The following CCDC180 variants were observed in gnomAD, a reference collection of about 807,000 sequenced individuals.
CCDC180 encodes coiled-coil domain containing 180.
Under a neutral mutation model 209.2 loss-of-function variants are expected in CCDC180, and 154 were observed. The observed-to-expected ratio is 0.74, with a 90% CI of 0.65 to 0.84. The LOEUF is 0.84. CCDC180 is among the 40% of genes least tolerant of loss of function. CCDC180 has a pLI of 0.00. For missense variants in CCDC180, 1,874 were observed against 1,997.3 expected (o/e 0.94, Z 1.18); for synonymous variants, 778 against 749.1 (o/e 1.04, Z -0.63).
chr9:97,370,460 C>T (rs955564354), intron 32 of CCDC180, among the ~76,000 whole-genome samples, 181 bp from the exon 33 acceptor site: 5 of 152,014 alleles, frequency 3.3e-5, no homozygotes, highest in African/African-American at 9.7e-5. Context: ...TCCAAACCCC[C>T]GAGTCAGCTC....
Position 97,307,809 on chromosome 9 carries a change from T to A in CCDC180, c.-82+3T>A. ...CTCGAGTTCAGAGCTCATCTGAGGTTAGTTTCATCGTTTCGTTGAAAGTTA... is the reference window on the plus strand; with the variant it reads ...CTCGAGTTCAGAGCTCATCTGAGGTAAGTTTCATCGTTTCGTTGAAAGTTA... On this transcript the variant is annotated splice_donor_region_variant and intron_variant, in intron 1 of 36. Transcript: ENST00000529487. The A allele has an allele frequency of 1.2e-6, 2 of 1,614,166 alleles. No individual in the cohort carries two copies. Among genetic ancestry groups the A allele is most frequent in the East Asian group, 4.5e-5 (2 of 44,874 alleles).
chr9:97,330,402 G>A lies in CCDC180; in HGVS notation c.1909G>A (p.Glu637Lys), dbSNP rs1481593439. The A allele has an allele frequency of 6.2e-7, 1 of 1,614,050 alleles. No homozygotes were observed. The highest frequency in any genetic ancestry group is 8.5e-7 in the Non-Finnish European group (1 of 1,180,040). ...QGSKEDMTRS[E>K]ESISSGTSTA... ...GTCTAAAGAGGACATGACCAGAAGT[G>A]AGGAAAGCATAAGTAGTGGGACAAG... Residue 637 changes from glutamate (E) to lysine (K), a missense_variant, in exon 18 of 37, where the codon GAG becomes AAG. Glu to Lys is a moderately conservative substitution (Grantham distance 56, BLOSUM62 1). Coordinates refer to ENST00000529487, the MANE Select transcript of CCDC180 (RefSeq NM_020893.6).
At chr9:97,326,491 A>T (rs1432457177) in intron 14 of CCDC180, 63 bp from the exon 15 acceptor site, 5 of 957,966 alleles carry the variant, frequency 5.2e-6, no homozygotes, top group Non-Finnish European at 8.5e-6. Context: ...CCTGCAGGTC[A>T]CTTACACTCT....
chr9:97,350,874 C>T (rs1826403929), intron 22 of CCDC180, among the ~76,000 whole-genome samples: 1 of 152,180 alleles, frequency 6.6e-6, no homozygotes. Context: ...TTTGAAACCT[C>T]TAGGTACTTC....
chr9:97,372,833 A>T (rs1827142940), intron 34 of CCDC180: 1 of 152,226 alleles, frequency 6.6e-6, no homozygotes, highest in Non-Finnish European at 1.5e-5. Context: ...AGCTTTGATC[A>T]TACCACTGCA....
rs1833438931 is a variant in CCDC180, at chr9:97,323,901, G to C, written c.1369G>C (p.Asp457His). Residue 457 changes from aspartate (D) to histidine (H), a missense_variant and splice_region_variant, in exon 13 of 37, where the codon GAC becomes CAC. By Grantham distance (81) the Asp-to-His change is moderately conservative. Coordinates refer to ENST00000529487, the MANE Select transcript of CCDC180 (RefSeq NM_020893.6). The stretch of plus-strand genomic sequence containing the variant: ...AGTGGAGGAGGACCTGGAGCTCTTG[G>C]ACGTGCGTGCTGGGGACTGTTCCAC... The part of the protein sequence containing the change: ...GKVEEDLELL[D>H]KSFETLADQT... 1 of 1,553,670 alleles carries C rather than the reference G, an allele frequency of 6.4e-7. No homozygotes were observed. Among genetic ancestry groups the C allele is most frequent in the Non-Finnish European group, 8.7e-7 (1 of 1,148,334 alleles).
rs556693597 is a variant in CCDC180, at chr9:97,338,076, A to C, written c.2275-5264A>C. Among the ~76,000 whole-genome samples the C allele has an allele frequency of 2.5e-3, 375 of 152,036 alleles. 1 individual carries two copies. Among genetic ancestry groups the C allele is most frequent in the African/African-American group, 8.7e-3 (362 of 41,502 alleles). ...CTCTTTTCTTCATTAGGCTTGCTAG[A>C]GGTCTGCCAATTTTGTTGATCTTTT... On this transcript the variant is annotated intron_variant, in intron 18 of 36. Transcript: ENST00000529487.
At position 97,347,431 on chromosome 9, in the gene CCDC180, G is replaced by A. The variant is rs1826292712; in HGVS notation, c.2616G>A (p.Leu872=). The part of the protein sequence containing the change: ...NELDSELELH[L]HLHQPRAQQI... ...TGGATTCAGAACTGGAGCTGCATCT[G>A]CACCTGCACCAGCCAAGAGCCCAGC... Residue 872 remains leucine, a synonymous_variant, in exon 20 of 37, where the codon CTG becomes CTA. Coordinates refer to ENST00000529487, the MANE Select transcript of CCDC180 (RefSeq NM_020893.6). 1 of 1,536,126 alleles carries A rather than the reference G, an allele frequency of 6.5e-7. No homozygotes were observed. Among genetic ancestry groups the A allele is most frequent in the Non-Finnish European group, 8.7e-7 (1 of 1,146,914 alleles).
intron 18 of CCDC180, among the ~76,000 whole-genome samples, chr9:97,336,119 T>C (rs1377690812): frequency 6.6e-6 from 1 of 152,218 alleles, no homozygotes; most frequent in African/African-American, 2.4e-5. Flanking sequence ...TTTCTCCCAT[T>C]CTGTAGGTTG....
chr9:97,346,829 C>T (rs377084532), intron 19 of CCDC180, among the ~76,000 whole-genome samples: 1 of 152,154 alleles, frequency 6.6e-6, no homozygotes, highest in African/African-American at 2.4e-5. Flanking sequence ...CTCCTGCTTC[C>T]ATCTCCCAAA....
chr9:97,314,241 G>T, intron 5 of CCDC180, 152 bp from the exon 6 acceptor site: 3 of 826,942 alleles, frequency 3.6e-6, no homozygotes, highest in Non-Finnish European at 5.7e-6. Flanking sequence ...GCGTGGTTGT[G>T]AGCTGAGTAG....
chr9:97,341,614 C>T (rs1349982984), intron 18 of CCDC180, among the ~76,000 whole-genome samples: 2 of 152,176 alleles, frequency 1.3e-5, no homozygotes, highest in African/African-American at 4.8e-5. Flanking sequence ...GAGGTGTCTC[C>T]AAATTAGGCT....
chr9:97,330,022 C>A (rs960592610), intron 16 of CCDC180, 132 bp from the exon 17 acceptor site: 4 of 733,290 alleles, frequency 5.5e-6, no homozygotes, highest in East Asian at 5.3e-5. Flanking sequence ...GAACCAAGAC[C>A]GCGCCACTGC....
chr9:97,312,268 G>T (rs1833012360), intron 4 of CCDC180, 67 bp downstream of exon 4: 1 of 1,392,534 alleles, frequency 7.2e-7, no homozygotes. Context: ...CAGGAGGTGG[G>T]GACGTCTCCT....
intron 33 of CCDC180, 95 bp from the exon 34 acceptor site, chr9:97,371,500 C>T: frequency 4.4e-6 from 3 of 689,432 alleles, no homozygotes; most frequent in Non-Finnish European, 7.3e-6. Context: ...CTTGGGTCCC[C>T]AGATCTCCCT....
chr9:97,328,267 T>C (rs990054449), intron 16 of CCDC180, 121 bp downstream of exon 16: 5 of 1,137,600 alleles, frequency 4.4e-6, no homozygotes, highest in Non-Finnish European at 6.1e-6. Flanking sequence ...TTCAAATCAA[T>C]GCAAGAAGAA....
At chr9:97,359,289 G>T (rs576909806) in intron 25 of CCDC180, among the ~76,000 whole-genome samples, 16 of 152,308 alleles carry the variant, frequency 1.1e-4, no homozygotes, top group African/African-American at 3.8e-4. Flanking sequence ...CCCAACCCCT[G>T]CTCTGTCCTC....
intron 32 of CCDC180, 36 bp downstream of exon 32, chr9:97,370,118 C>T (rs747028332): frequency 2.5e-6 from 4 of 1,597,358 alleles, no homozygotes; most frequent in Admixed American, 1.7e-5. Flanking sequence ...CACTCTAGGA[C>T]CAGGGGAACT....
Position 97,330,654 on chromosome 9 carries a change from G to A in CCDC180, c.2161G>A (p.Glu721Lys). ...TGTGAAGGGTCAAGGAGAAAAGAAG[G>A]AGGAGTCAGAGGAGGAAGATGAGAA... ...ENVKGQGEKK[E>K]ESEEEDEKEE... The change falls in exon 18 of 37, where the codon GAG (glutamate) becomes AAG (lysine). Residue 721 changes from glutamate (E) to lysine (K), a missense_variant. By Grantham distance (56) the Glu-to-Lys change is moderately conservative. Coordinates refer to ENST00000529487, the MANE Select transcript of CCDC180 (RefSeq NM_020893.6). The A allele has an allele frequency of 1.9e-6, 3 of 1,609,670 alleles. No individual in the cohort carries two copies. Among genetic ancestry groups the A allele is most frequent in the South Asian group, 1.1e-5 (1 of 90,770 alleles).
Sources: allele counts gnomAD v4.1 joint callset (sites outside exome capture counted in the v4.1 genomes callset), GRCh38; gene constraint gnomAD v4.1.1; transcripts MANE v1.5; gene names NCBI Gene and HGNC (gene_info 2026-07-23, HGNC 2026-07-21).